The following SLC25A15 variants were observed in gnomAD, a reference collection of about 807,000 sequenced individuals.
SLC25A15 encodes the protein mitochondrial ornithine transporter 1.
In SLC25A15, 24 loss-of-function variants were observed where a neutral mutation model predicts 32.3. The observed-to-expected ratio is 0.74, with a 90% CI of 0.54 to 1.04. SLC25A15 has a LOEUF of 1.04. SLC25A15 is among the 50% of genes least tolerant of loss of function. SLC25A15 has a pLI of 0.00. For missense variants in SLC25A15, 317 were observed against 374.5 expected, an observed-to-expected ratio of 0.85 and a Z score of 1.27; for synonymous variants, 132 against 142.1, an observed-to-expected ratio of 0.93 and a Z score of 0.51.
At chr13:40,793,430 G>T in intron 2 of SLC25A15, 149 bp downstream of exon 2, 1 of 760,076 alleles carries the variant, frequency 1.3e-6, no homozygotes, top group Non-Finnish European at 2.3e-6. Context: ...TGTTATAGTT[G>T]CCTGCAACAT....
chr13:40,807,554 C>T lies in SLC25A15; in HGVS notation c.622+91C>T, dbSNP rs545623290. On this transcript the variant is annotated intron_variant, in intron 5 of 6. Coordinates refer to ENST00000338625, the MANE Select transcript of SLC25A15 (RefSeq NM_014252.4). ...GTGGATTCTCTGCCCTTTGTGCTCT[C>T]CTCCCCACATTGGTGGCTCCATCTG... 2.1e-6 allele frequency: 3 copies of T among 1,398,494 alleles called. No homozygotes were observed. In the East Asian group the frequency reaches 6.8e-5, roughly 32 times the overall value. 86.6% of individuals were successfully genotyped at this position (1,398,494 alleles called of 1,614,324 possible).
intron 1 of SLC25A15, among the ~76,000 whole-genome samples, chr13:40,792,326 C>A (rs1464130228): frequency 2.6e-5 from 4 of 152,212 alleles, no homozygotes; most frequent in Non-Finnish European, 5.9e-5. Context: ...TGGACTGGCA[C>A]TGTCCGCCTC....
At chr13:40,804,771 C>T (rs1207781620) in intron 3 of SLC25A15, among the ~76,000 whole-genome samples, 5 of 150,848 alleles carry the variant, frequency 3.3e-5, no homozygotes, top group African/African-American at 4.9e-5. Flanking sequence ...AGGATGGTCT[C>T]GATCTCCTGA....
intron 2 of SLC25A15, among the ~76,000 whole-genome samples, chr13:40,797,930 G>C (rs1375669150): frequency 3.3e-5 from 5 of 152,220 alleles, no homozygotes; most frequent in Non-Finnish European, 7.3e-5. Flanking sequence ...ACTACAGGGT[G>C]TGGGGATGTT....
At chr13:40,807,654 T>C (rs911583253) in intron 5 of SLC25A15, among the ~76,000 whole-genome samples, 191 bp downstream of exon 5, 5 of 152,214 alleles carry the variant, frequency 3.3e-5, no homozygotes, top group Admixed American at 6.5e-5. Context: ...CCAGGCCTGA[T>C]AATTTCCTTA....
Position 40,811,266 on chromosome 13 carries a change from G to A in SLC25A15, c.*1599G>A, listed in dbSNP as rs1298884370. ...AGCACTTTGGGAGGCTGAGGCGGGC[G>A]GGTCACAAGGTCAGGAGTTCGAGAA... On this transcript the variant is annotated 3_prime_UTR_variant, in exon 7 of 7. Transcript: ENST00000338625. 7.2e-5 allele frequency among the ~76,000 whole-genome samples: 11 copies of A among 152,256 alleles called. No individual in the cohort carries two copies. Among genetic ancestry groups the A allele is most frequent in the East Asian group, 3.9e-4 (2 of 5,160 alleles).
chr13:40,807,590 G>A, intron 5 of SLC25A15, 127 bp downstream of exon 5: 1 of 1,028,178 alleles, frequency 9.7e-7, no homozygotes, highest in Non-Finnish European at 1.5e-6. Flanking sequence ...GCACAGGGAA[G>A]CTTCTGGATG....
chr13:40,795,804 T>C (rs1881652117), intron 2 of SLC25A15, among the ~76,000 whole-genome samples: 1 of 152,170 alleles, frequency 6.6e-6, no homozygotes, highest in South Asian at 2.1e-4. Flanking sequence ...GTGCTGGAGC[T>C]AGAGAGACCT....
chr13:40,798,444 A>G (rs1881745223), intron 2 of SLC25A15, among the ~76,000 whole-genome samples: 1 of 152,184 alleles, frequency 6.6e-6, no homozygotes, highest in Admixed American at 6.6e-5. Flanking sequence ...TTTCTATAGA[A>G]TGAAATATTT....
chr13:40,791,264 T>A (rs565960390), intron 1 of SLC25A15, among the ~76,000 whole-genome samples: 104 of 152,068 alleles, frequency 6.8e-4, no homozygotes, highest in Non-Finnish European at 1.4e-3. Context: ...CAGGCTTTAG[T>A]TTGCCTTCTG....
rs1275993623 is a variant in SLC25A15 at position 40,807,233 on chromosome 13, CCTTGT to C, written c.453-57_453-53del. On this transcript the variant is annotated intron_variant, in intron 4 of 6. Transcript: ENST00000338625. ...AGATCTGTTAATTGGTTGCAAATGC[CCTTGT>C]CTTTTCTTCCTTCCCACCTGCTGTA... 8 of 1,511,916 alleles carry C rather than the reference CCTTGT, an allele frequency of 5.3e-6. No individual in the cohort carries two copies. In the East Asian group the frequency reaches 1.6e-4, roughly 30 times the overall value. 93.7% of individuals were successfully genotyped at this position (1,511,916 alleles called of 1,614,324 possible).
rs1206768830 is a variant in SLC25A15, at chr13:40,789,676, C to G, written c.-70+13C>G. The G allele has an allele frequency of 1.3e-5, 2 of 151,284 alleles. No homozygotes were observed. The highest frequency in any genetic ancestry group is 2.4e-5 in the African/African-American group (1 of 41,338). 9.4% of individuals were successfully genotyped at this position (151,284 alleles called of 1,614,324 possible). On this transcript the variant is annotated intron_variant, in intron 1 of 6. Coordinates refer to ENST00000338625, the MANE Select transcript of SLC25A15 (RefSeq NM_014252.4). ...CGCCGGCGCGGCGGTGAGCGCAGCC[C>G]GGTCTGGCGCCTGCAGCTGCGGGGA... is the stretch of plus-strand genomic sequence containing the variant.
Position 40,810,965 on chromosome 13 carries a change from C to T in SLC25A15, c.*1298C>T. The T allele has an allele frequency of 2.3e-6, 1 of 439,564 alleles. No homozygotes were observed. Among genetic ancestry groups the T allele is most frequent in the Non-Finnish European group, 4.6e-6 (1 of 216,458 alleles). 27.2% of individuals were successfully genotyped at this position (439,564 alleles called of 1,614,324 possible). On this transcript the variant is annotated 3_prime_UTR_variant, in exon 7 of 7. Coordinates refer to ENST00000338625, the MANE Select transcript of SLC25A15 (RefSeq NM_014252.4). ...AGTGAGAGCCAAAGCCAAGAGAAGC[C>T]TTCTTCCCTGTTTGGTGATTGTGTG...
chr13:40,811,992 G>T lies in SLC25A15; in HGVS notation c.*2325G>T, dbSNP rs746120990. On this transcript the variant is annotated 3_prime_UTR_variant, in exon 7 of 7. Coordinates refer to ENST00000338625, the MANE Select transcript of SLC25A15 (RefSeq NM_014252.4). ...TCTCTTGTGCCATGGAGCTATTATG[G>T]CTGGTCTTCCATTTGCTTTTTCTTT... 3.3e-5 allele frequency among the ~76,000 whole-genome samples: 5 copies of T among 152,172 alleles called. No individual in the cohort carries two copies. The highest frequency in any genetic ancestry group is 7.3e-5 in the Non-Finnish European group (5 of 68,030).
intron 6 of SLC25A15, 74 bp from the exon 7 acceptor site, chr13:40,809,469 C>T: frequency 6.4e-7 from 1 of 1,569,132 alleles, no homozygotes; most frequent in South Asian, 1.1e-5. Flanking sequence ...GTAAATATAC[C>T]TATGCTATGC....
chr13:40,796,494 A>T (rs923464932), intron 2 of SLC25A15, among the ~76,000 whole-genome samples: 11 of 152,344 alleles, frequency 7.2e-5, no homozygotes, highest in Admixed American at 5.9e-4. Context: ...CACTACTTTG[A>T]CTACTGTTGC....
intron 1 of SLC25A15, among the ~76,000 whole-genome samples, chr13:40,791,514 C>T (rs1169756621): frequency 6.6e-6 from 1 of 151,718 alleles, no homozygotes; most frequent in Non-Finnish European, 1.5e-5. Flanking sequence ...TGCATCACCA[C>T]GCTGGGGTCA....
intron 2 of SLC25A15, among the ~76,000 whole-genome samples, chr13:40,794,505 A>G (rs1359000522): frequency 6.6e-6 from 1 of 152,174 alleles, no homozygotes; most frequent in Non-Finnish European, 1.5e-5. Context: ...GCTACCTGTG[A>G]TAAGGGGTAG....
At chr13:40,790,324 G>T (rs574707243) in intron 1 of SLC25A15, among the ~76,000 whole-genome samples, 123 of 152,310 alleles carry the variant, frequency 8.1e-4, no homozygotes, top group South Asian at 1.4e-3. Flanking sequence ...CGGCACTGTT[G>T]TTCCTCAGTT....
Sources: allele counts gnomAD v4.1 joint callset (sites outside exome capture counted in the v4.1 genomes callset), GRCh38; gene constraint gnomAD v4.1.1; transcripts MANE v1.5; gene names NCBI Gene and HGNC (gene_info 2026-07-23, HGNC 2026-07-21).